Variants in WIPF3 observed in about 807,000 individuals in gnomAD.
The protein encoded by WIPF3 is WAS/WASL interacting protein family member 3, also known as WAS/WASL-interacting protein family member 3.
WIPF3 carries 33 observed loss-of-function variants against 38.9 expected under a neutral mutation model. That is an observed-to-expected ratio of 0.85 (90% confidence interval 0.64 to 1.14). The LOEUF (loss-of-function observed/expected upper bound fraction) is 1.14. Ranked by LOEUF, WIPF3 falls within the 50% of genes most tolerant of loss-of-function variation. The probability of loss-of-function intolerance (pLI) is 0.00; values close to 1 mark genes in which losing one functional copy is unlikely to be tolerated. For missense variants in WIPF3, 711 were observed against 652.5 expected, an observed-to-expected ratio of 1.09 and a Z score of -0.98; for synonymous variants, 324 against 269.3, an observed-to-expected ratio of 1.20 and a Z score of -1.99.
chr7:29,843,042 T>C (rs753434648), intron 2 of WIPF3, among the ~76,000 whole-genome samples: 2 of 152,236 alleles, frequency 1.3e-5, no homozygotes, highest in Admixed American at 1.3e-4. Context: ...TAGTATTAAG[T>C]TGACATTTGG....
intron 1 of WIPF3, among the ~76,000 whole-genome samples, chr7:29,816,180 A>G (rs1784455525): frequency 1.3e-5 from 2 of 152,262 alleles, no homozygotes; most frequent in African/African-American, 2.4e-5. Context: ...TGAATAAGGA[A>G]TAATGCACAT....
intron 1 of WIPF3, among the ~76,000 whole-genome samples, chr7:29,820,102 C>G (rs1052421041): frequency 6.6e-6 from 1 of 152,034 alleles, no homozygotes; most frequent in Admixed American, 6.6e-5. Flanking sequence ...CCATAAAAGT[C>G]TTGATCTGAA....
At chr7:29,880,942 CT>C (rs1785702342) in intron 4 of WIPF3, among the ~76,000 whole-genome samples, 1 of 152,136 alleles carries the variant, frequency 6.6e-6, no homozygotes, top group Non-Finnish European at 1.5e-5. Context: ...TCTGGCCTAC[CT>C]TTCTTGGTGG....
Position 29,883,846 on chromosome 7 carries a change from C to G in WIPF3, c.356-4C>G, listed in dbSNP as rs77073619. The G allele has an allele frequency of 5.3e-4, 807 of 1,522,020 alleles. 3 individuals carry two copies. The African/African-American group carries it at 0.01, about 19-fold the overall frequency. The allele number at this position is 1,522,020 out of a possible 1,614,324, so 94.3% of individuals were successfully genotyped here. ...AGCTAACCCAGAATCTCTTTCACTT[C>G]CAGGTGGCAAGACAGGGCAGGGCCC... is the stretch of plus-strand genomic sequence containing the variant. On this transcript the variant is annotated splice_polypyrimidine_tract_variant and splice_region_variant and intron_variant, in intron 4 of 8. Coordinates refer to ENST00000242140, the MANE Select transcript of WIPF3 (RefSeq NM_001080529.3).
At chr7:29,818,655 A>C (rs1401318032) in intron 1 of WIPF3, among the ~76,000 whole-genome samples, 1 of 151,452 alleles carries the variant, frequency 6.6e-6, no homozygotes, top group Non-Finnish European at 1.5e-5. Flanking sequence ...AAACATGATA[A>C]TTGAGCCTCC....
rs543349824 is a variant in WIPF3 at position 29,866,254 on chromosome 7, C to T, written c.91-9576C>T. 1.9e-3 allele frequency among the ~76,000 whole-genome samples: 294 copies of T among 152,320 alleles called. 2 individuals are homozygous for T. Among genetic ancestry groups the T allele is most frequent in the African/African-American group, 6.7e-3 (277 of 41,572 alleles). Reference sequence around the variant, plus strand: ...CTTTCTAGAAATTTTGGAATTTTCCCTTGCTTAGTTATTTTCATTACCTTT... The same window carrying T: ...CTTTCTAGAAATTTTGGAATTTTCCTTTGCTTAGTTATTTTCATTACCTTT... On this transcript the variant is annotated intron_variant, in intron 2 of 8. Coordinates refer to ENST00000242140, the MANE Select transcript of WIPF3 (RefSeq NM_001080529.3).
At chr7:29,896,121 A>G (rs1288615159) in intron 7 of WIPF3, among the ~76,000 whole-genome samples, 1 of 152,190 alleles carries the variant, frequency 6.6e-6, no homozygotes, top group East Asian at 1.9e-4. Context: ...AGCCAGGGCA[A>G]CATAGCAAGA....
At chr7:29,885,352 C>T (rs1440757229) in intron 5 of WIPF3, among the ~76,000 whole-genome samples, 1 of 152,188 alleles carries the variant, frequency 6.6e-6, no homozygotes, top group Non-Finnish European at 1.5e-5. Flanking sequence ...TCCACACAGG[C>T]AGACACACTC....
intron 7 of WIPF3, among the ~76,000 whole-genome samples, chr7:29,899,827 AAAAT>A (rs1786237141): frequency 6.6e-6 from 1 of 152,254 alleles, no homozygotes; most frequent in African/African-American, 2.4e-5. Flanking sequence ...CATTTTGTAA[AAAAT>A]AAATTCGTGT....
Position 29,838,829 on chromosome 7 carries a change from C to T in WIPF3, c.90+4015C>T, listed in dbSNP as rs73303148. Among the ~76,000 whole-genome samples, 291 of 152,282 alleles carry T rather than the reference C, an allele frequency of 1.9e-3. 1 individual carries two copies. The highest frequency in any genetic ancestry group is 6.8e-3 in the African/African-American group (282 of 41,566). On this transcript the variant is annotated intron_variant, in intron 2 of 8. Coordinates refer to ENST00000242140, the MANE Select transcript of WIPF3 (RefSeq NM_001080529.3). ...AACAACCCCCTATGTCCATCAATGG[C>T]AGAATGGATTGATAAAATGTGTGTT... is the stretch of plus-strand genomic sequence containing the variant.
intron 1 of WIPF3, among the ~76,000 whole-genome samples, chr7:29,814,510 A>G (rs558702473): frequency 6.6e-6 from 1 of 152,380 alleles, no homozygotes; most frequent in South Asian, 2.1e-4. Context: ...TGGACTGTGC[A>G]GAGACTGATG....
At chr7:29,881,270 T>C (rs1785710139) in intron 4 of WIPF3, among the ~76,000 whole-genome samples, 1 of 152,236 alleles carries the variant, frequency 6.6e-6, no homozygotes. Flanking sequence ...TTTATCTGTT[T>C]ATTGTCTGTC....
chr7:29,888,076 G>T lies in WIPF3; in HGVS notation c.1108G>T (p.Gly370Trp), dbSNP rs1258516492. Reference protein sequence around the residue: ...KKRHGRPGAGGGKLNPPPAPP... With the variant: ...KKRHGRPGAGWGKLNPPPAPP... ...ATCATCTTCTCTGTAAGGGGCCGGT[G>T]GGGGAAAGCTAAATCCACCTCCAGC... Residue 370 changes from glycine to tryptophan, a missense_variant, in exon 6 of 9, where the codon GGG (glycine) becomes TGG (tryptophan). By Grantham distance (184) the Gly-to-Trp change is radical. Transcript: ENST00000242140. 6.2e-7 allele frequency: 1 copy of T among 1,613,926 alleles called. No homozygotes were observed. Among genetic ancestry groups the T allele is most frequent in the Non-Finnish European group, 8.5e-7 (1 of 1,179,858 alleles).
intron 7 of WIPF3, among the ~76,000 whole-genome samples, chr7:29,901,910 T>A (rs1786289083): frequency 6.6e-6 from 1 of 151,944 alleles, no homozygotes; most frequent in Admixed American, 6.5e-5. Flanking sequence ...TGAAGCCTAT[T>A]TTATTGCCTA....
intron 2 of WIPF3, among the ~76,000 whole-genome samples, chr7:29,841,161 A>C (rs548200656): frequency 1.4e-4 from 22 of 152,270 alleles, no homozygotes; most frequent in Non-Finnish European, 3.2e-4. Flanking sequence ...TATTATATGT[A>C]ATCTTTGTAA....
chr7:29,824,710 A>G (rs1449697542), intron 1 of WIPF3, among the ~76,000 whole-genome samples: 1 of 152,134 alleles, frequency 6.6e-6, no homozygotes, highest in African/African-American at 2.4e-5. Flanking sequence ...GAGTGATGTC[A>G]TGGACGCTGA....
At chr7:29,863,452 A>T (rs558802617) in intron 2 of WIPF3, among the ~76,000 whole-genome samples, 1 of 152,264 alleles carries the variant, frequency 6.6e-6, no homozygotes, top group African/African-American at 2.4e-5. Context: ...TAACCAGACC[A>T]TACCATCTTG....
chr7:29,871,259 C>A lies in WIPF3; in HGVS notation c.91-4571C>A, dbSNP rs531728196. On this transcript the variant is annotated intron_variant, in intron 2 of 8. Transcript: ENST00000242140. ...ACAGTAGAAGGGAGACATTGCCATT[C>A]TGGCTGTCCTTGGGATTCAGACTTG... is the stretch of plus-strand genomic sequence containing the variant. 1.4e-4 allele frequency among the ~76,000 whole-genome samples: 22 copies of A among 152,320 alleles called. 1 individual carries two copies. The highest frequency in any genetic ancestry group is 2.9e-5 in the Non-Finnish European group (2 of 68,022).
Position 29,884,365 on chromosome 7 carries a change from G to A in WIPF3, c.871G>A (p.Ala291Thr), listed in dbSNP as rs755553072. The change falls in exon 5 of 9, where the codon GCC becomes ACC. Residue 291 changes from alanine to threonine, a missense_variant. Coordinates refer to ENST00000242140, the MANE Select transcript of WIPF3 (RefSeq NM_001080529.3). ...TGCGCAAGATGCGCAGGAGCCTCCC[G>A]CCCCGCCGCCCCCGCTCCCCCCTTA... is the stretch of plus-strand genomic sequence containing the variant. ...SPAQDAQEPP[A>T]PPPPLPPYAS... 15 of 573,644 alleles carry A rather than the reference G, an allele frequency of 2.6e-5. No individual in the cohort carries two copies. The highest frequency in any genetic ancestry group is 3.4e-5 in the Non-Finnish European group (15 of 439,136). The allele number at this position is 573,644 out of a possible 1,614,324, so 35.5% of individuals were successfully genotyped here. A position where few individuals can be genotyped will look rare whatever the true frequency, so the allele number is the denominator to read the frequency against.
Sources: allele counts gnomAD v4.1 joint callset (sites outside exome capture counted in the v4.1 genomes callset), GRCh38; gene constraint gnomAD v4.1.1; transcripts MANE v1.5; gene names NCBI Gene and HGNC (gene_info 2026-07-23, HGNC 2026-07-21).